EFCAB5: variants seen among roughly 807,000 people sequenced by gnomAD.
EFCAB5 encodes the protein EF-hand calcium-binding domain-containing protein 5.
In EFCAB5, 131 loss-of-function variants were observed where a neutral mutation model predicts 167.9. The ratio of observed to expected loss-of-function variants is 0.78; its 90% CI spans 0.68 to 0.90. EFCAB5 has a LOEUF of 0.90. Ranked by LOEUF, EFCAB5 falls within the 40% of genes least tolerant of loss-of-function variation. EFCAB5 has a pLI of 0.00. For missense variants in EFCAB5, 1,663 were observed against 1,745.2 expected, an observed-to-expected ratio of 0.95 and a Z score of 0.84; for synonymous variants, 574 against 602.8, an observed-to-expected ratio of 0.95 and a Z score of 0.70.
chr17:30,080,197 A>G lies in EFCAB5; in HGVS notation c.3153A>G (p.Gln1051=). 1 of 1,613,376 alleles carries G rather than the reference A, an allele frequency of 6.2e-7. No homozygotes were observed. The highest frequency in any genetic ancestry group is 1.1e-5 in the South Asian group (1 of 90,946). The stretch of plus-strand genomic sequence containing the variant: ...TGGCTTGTACCTTAGATGATGCTCA[A>G]TTTGTACTGAACAGAGTGCTCTACA... ...RNVACTLDDA[Q]FVLNRVLYRD... is the part of the protein sequence containing the mutation. Residue 1051 remains glutamine, a synonymous_variant, in exon 16 of 23, where the codon CAA becomes CAG. Transcript: ENST00000394835.
chr17:29,946,670 C>G (rs1395581553), intron 3 of EFCAB5, among the ~76,000 whole-genome samples: 5 of 151,790 alleles, frequency 3.3e-5, no homozygotes, highest in Non-Finnish European at 7.4e-5. Flanking sequence ...GATCTCCTGA[C>G]CTCGTGATCC....
At chr17:30,067,621 GATAA>G in intron 14 of EFCAB5, among the ~76,000 whole-genome samples, 1 of 152,232 alleles carries the variant, frequency 6.6e-6, no homozygotes, top group African/African-American at 2.4e-5. Context: ...AAAAGCATTT[GATAA>G]ATATTCAATA....
intron 7 of EFCAB5, among the ~76,000 whole-genome samples, chr17:30,001,272 A>G (rs1239964364): frequency 6.6e-6 from 1 of 152,244 alleles, no homozygotes; most frequent in Non-Finnish European, 1.5e-5. Flanking sequence ...TTCCACAGAT[A>G]CAAATGAGAC....
rs1198083307 is a variant in EFCAB5, at chr17:29,941,856, G to C, written c.42+18G>C. The C allele has an allele frequency of 6.3e-7, 1 of 1,595,768 alleles. No individual in the cohort carries two copies. The highest frequency in any genetic ancestry group is 1.1e-5 in the South Asian group (1 of 88,096). ...CTGCTCAGGTTCTTGTCCTACATAGGTTTATCACATTTATGGGAAGATTTG... is the reference window on the plus strand; with the variant it reads ...CTGCTCAGGTTCTTGTCCTACATAGCTTTATCACATTTATGGGAAGATTTG... On this transcript the variant is annotated intron_variant, in intron 1 of 22. Coordinates refer to ENST00000394835, the MANE Select transcript of EFCAB5 (RefSeq NM_198529.4).
At chr17:29,968,488 T>G (rs2067879584) in intron 3 of EFCAB5, 4 of 356,074 alleles carry the variant, frequency 1.1e-5, no homozygotes, top group South Asian at 9.5e-5. Flanking sequence ...GAGGAAGTGA[T>G]GGCTGGAGCT....
In EFCAB5 at chr17:29,943,341, G is replaced by A. The variant is rs544746124; in HGVS notation, c.106-224G>A. On this transcript the variant is annotated intron_variant, in intron 2 of 22. Transcript: ENST00000394835. Reference sequence around the variant, plus strand: ...ATTACTTTGTTAGTAACAGGAAGATGTGATGACATTTTGAACCAACACATT... The same window carrying A: ...ATTACTTTGTTAGTAACAGGAAGATATGATGACATTTTGAACCAACACATT... Among the ~76,000 whole-genome samples, 7 of 152,278 alleles carry A rather than the reference G, an allele frequency of 4.6e-5. No homozygotes were observed. In the East Asian group the frequency reaches 7.7e-4, roughly 17 times the overall value.
chr17:30,033,467 TG>T (rs2069535722), intron 7 of EFCAB5, among the ~76,000 whole-genome samples: 2 of 152,208 alleles, frequency 1.3e-5, no homozygotes, highest in Admixed American at 6.5e-5. Flanking sequence ...TCTCTTAAAG[TG>T]TAGACCAAGA....
chr17:30,055,609 A>G (rs1418044929), intron 10 of EFCAB5, among the ~76,000 whole-genome samples: 1 of 152,222 alleles, frequency 6.6e-6, no homozygotes, highest in Non-Finnish European at 1.5e-5. Context: ...AAAGGGGGCT[A>G]TTGTATAGTA....
chr17:29,994,996 G>A (rs1398934390), intron 5 of EFCAB5, among the ~76,000 whole-genome samples: 1 of 152,178 alleles, frequency 6.6e-6, no homozygotes, highest in Non-Finnish European at 1.5e-5. Flanking sequence ...GTCAGAAGGA[G>A]TTAAATCAGT....
At chr17:30,060,368 T>C (rs570329227) in intron 14 of EFCAB5, among the ~76,000 whole-genome samples, 29 of 152,320 alleles carry the variant, frequency 1.9e-4, no homozygotes, top group African/African-American at 7.0e-4. Context: ...CCTTAGTGAC[T>C]TTTTGTGTAT....
At chr17:30,102,880 G>A (rs547302521) in intron 22 of EFCAB5, among the ~76,000 whole-genome samples, 6 of 151,958 alleles carry the variant, frequency 3.9e-5, no homozygotes, top group South Asian at 2.1e-4. Context: ...CACCCAGGCC[G>A]AAGTACAGTG....
chr17:29,984,930 T>G (rs1379669002), intron 4 of EFCAB5, among the ~76,000 whole-genome samples: 1 of 152,188 alleles, frequency 6.6e-6, no homozygotes, highest in African/African-American at 2.4e-5. Flanking sequence ...GTTCATCAGA[T>G]GTATCCAATT....
chr17:30,098,838 C>A (rs1164482505), intron 22 of EFCAB5, among the ~76,000 whole-genome samples: 1 of 152,210 alleles, frequency 6.6e-6, no homozygotes, highest in African/African-American at 2.4e-5. Context: ...CTCCTGGGAG[C>A]CACTAATCTA....
At chr17:29,993,350 G>A (rs754685703) in intron 5 of EFCAB5, 29 bp downstream of exon 5, 1 of 1,595,114 alleles carries the variant, frequency 6.3e-7, no homozygotes. Flanking sequence ...TATGTGAAAG[G>A]TAGGTGGGGT....
At chr17:30,076,311 G>A (rs780055272) in intron 14 of EFCAB5, among the ~76,000 whole-genome samples, 20 of 152,338 alleles carry the variant, frequency 1.3e-4, no homozygotes, top group Middle Eastern at 3.4e-3. Context: ...AACCACTCTG[G>A]CTAAAGGAAT....
At chr17:29,966,879 A>G (rs534581688) in intron 3 of EFCAB5, among the ~76,000 whole-genome samples, 1 of 152,152 alleles carries the variant, frequency 6.6e-6, no homozygotes, top group Non-Finnish European at 1.5e-5. Flanking sequence ...CTGGCACTAC[A>G]AGATATTCCA....
At position 30,099,790 on chromosome 17, in the gene EFCAB5, C is replaced by T. The variant is rs149584031; in HGVS notation, c.4321+6854C>T. Among the ~76,000 whole-genome samples the T allele has an allele frequency of 5.3e-4, 80 of 152,208 alleles. 1 individual carries two copies. The highest frequency in any genetic ancestry group is 1.9e-3 in the African/African-American group (77 of 41,526). On this transcript the variant is annotated intron_variant, in intron 22 of 22. Transcript: ENST00000394835. ...CATTCACTAGACTGTGTGCCTTAAC[C>T]TGAAGCTACATCTGCTTGGAGGAGG...
chr17:30,053,707 G>A lies in EFCAB5; in HGVS notation c.1753G>A (p.Gly585Arg). The A allele has an allele frequency of 6.2e-7, 1 of 1,613,940 alleles. No homozygotes were observed. The highest frequency in any genetic ancestry group is 8.5e-7 in the Non-Finnish European group (1 of 1,179,876). The change falls in exon 10 of 23, where the codon GGA becomes AGA. Residue 585 changes from glycine to arginine, a missense_variant. Transcript: ENST00000394835. The part of the protein sequence containing the change: ...EQGQHKGSIE[G>R]QGPRRVSVSE... ...AGGACAGCACAAAGGGTCAATAGAAGGACAAGGACCACGCAGAGTGTCAGT... is the reference window on the plus strand; with the variant it reads ...AGGACAGCACAAAGGGTCAATAGAAAGACAAGGACCACGCAGAGTGTCAGT...
intron 1 of EFCAB5, 148 bp from the exon 2 acceptor site, chr17:29,942,092 A>G (rs1204738754): frequency 2.6e-6 from 2 of 765,254 alleles, no homozygotes; most frequent in Non-Finnish European, 4.1e-6. Context: ...TTGTTGATAC[A>G]ACTACTTTGT....
Sources: allele counts gnomAD v4.1 joint callset (sites outside exome capture counted in the v4.1 genomes callset), GRCh38; gene constraint gnomAD v4.1.1; transcripts MANE v1.5; gene names NCBI Gene and HGNC (gene_info 2026-07-23, HGNC 2026-07-21).